DLGAP1: variants seen among roughly 807,000 people sequenced by gnomAD.
DLGAP1 encodes the protein DLG associated protein 1.
A neutral mutation model predicts 90.8 loss-of-function variants in DLGAP1; 11 were observed. The ratio of observed to expected loss-of-function variants is 0.12; its 90% CI spans 0.08 to 0.20. The LOEUF is 0.20. Among genes scored for constraint, DLGAP1 ranks in the 10% least tolerant of loss-of-function variants. DLGAP1 has a pLI of 1.00. For synonymous variants in DLGAP1, 558 were observed against 540.7 expected, an observed-to-expected ratio of 1.03 and a Z score of -0.44; for missense variants, 1,050 against 1,333.8, an observed-to-expected ratio of 0.79 and a Z score of 3.31.
At chr18:4,097,324 T>C (rs1296740325) in intron 2 of DLGAP1, among the ~76,000 whole-genome samples, 2 of 152,240 alleles carry the variant, frequency 1.3e-5, no homozygotes, top group Non-Finnish European at 2.9e-5. Context: ...ACTTTCCATC[T>C]TCCCCATTTA....
chr18:3,692,709 A>T (rs897678624), intron 7 of DLGAP1, among the ~76,000 whole-genome samples: 1 of 152,224 alleles, frequency 6.6e-6, no homozygotes, highest in African/African-American at 2.4e-5. Context: ...CTGAGTTCAC[A>T]TATACTCCTT....
At chr18:3,535,335 A>G (rs879516908) in intron 9 of DLGAP1, among the ~76,000 whole-genome samples, 7 of 152,158 alleles carry the variant, frequency 4.6e-5, no homozygotes, top group Admixed American at 1.3e-4. Context: ...ATCTGGGGTG[A>G]CTTAAGTCCT....
chr18:4,033,579 C>T (rs573144690), intron 2 of DLGAP1, among the ~76,000 whole-genome samples: 2 of 152,256 alleles, frequency 1.3e-5, no homozygotes, highest in South Asian at 2.1e-4. Flanking sequence ...TGGCTCACCA[C>T]ATTTACATTC....
intron 7 of DLGAP1, among the ~76,000 whole-genome samples, chr18:3,610,777 T>G (rs1483015464): frequency 6.6e-6 from 1 of 151,900 alleles, no homozygotes; most frequent in Non-Finnish European, 1.5e-5. Context: ...AGATGGAGGC[T>G]GCAGTGAGCT....
intron 2 of DLGAP1, among the ~76,000 whole-genome samples, chr18:4,055,555 T>A (rs1044531131): frequency 6.6e-6 from 1 of 152,180 alleles, no homozygotes; most frequent in African/African-American, 2.4e-5. Flanking sequence ...TTTTTTGTTG[T>A]TGTTCCTGCA....
chr18:4,080,890 C>CCTT (rs1230926803), intron 2 of DLGAP1, among the ~76,000 whole-genome samples: 1 of 145,592 alleles, frequency 6.9e-6, no homozygotes, highest in Non-Finnish European at 1.5e-5. Context: ...TTTGAATGCC[C>CCTT]TTTTTTTTTT....
At chr18:4,184,789 G>A (rs569819129) in intron 1 of DLGAP1, among the ~76,000 whole-genome samples, 5 of 152,092 alleles carry the variant, frequency 3.3e-5, no homozygotes, top group East Asian at 1.9e-4. Context: ...GCAAGTTACC[G>A]CATACACATC....
intron 5 of DLGAP1, among the ~76,000 whole-genome samples, chr18:3,796,606 G>A (rs948257046): frequency 6.6e-6 from 1 of 152,164 alleles, no homozygotes; most frequent in Admixed American, 6.5e-5. Flanking sequence ...AAGCAGACAC[G>A]TAAGGTGAGC....
intron 2 of DLGAP1, among the ~76,000 whole-genome samples, chr18:4,052,851 GGA>G (rs1480811394): frequency 6.6e-6 from 1 of 152,108 alleles, no homozygotes; most frequent in Non-Finnish European, 1.5e-5. Context: ...TCTATAGGGT[GGA>G]GGCAAAAAGC....
intron 1 of DLGAP1, among the ~76,000 whole-genome samples, chr18:4,322,943 G>GAAAAAAAAAAAAAAAAAAAAAAAAAAAAA (rs60113288): frequency 1.0e-5 from 1 of 97,602 alleles, no homozygotes; most frequent in Non-Finnish European, 1.9e-5. Context: ...CCTGGGCACA[G>GAAAAAAAAAAAAAAAAAAAAAAAAAAAAA]AAAAAAAAAA....
chr18:4,363,244 G>A (rs1003809493), intron 1 of DLGAP1, among the ~76,000 whole-genome samples: 8 of 152,176 alleles, frequency 5.3e-5, no homozygotes, highest in Non-Finnish European at 8.8e-5. Context: ...AAGGGCCCGG[G>A]CTATCCACAC....
chr18:3,751,901 TG>T (rs2063513151), intron 5 of DLGAP1, among the ~76,000 whole-genome samples: 2 of 133,274 alleles, frequency 1.5e-5, no homozygotes, highest in African/African-American at 6.6e-5. Context: ...TTTTTTTTAA[TG>T]AGATGCAGTC....
rs772178248 is a variant in DLGAP1, at chr18:3,879,404, A to T, written c.665T>A (p.Met222Lys). Residue 222 changes from methionine (M) to lysine (K), a missense_variant, in exon 4 of 13, where the codon ATG (methionine) becomes AAG (lysine). Met to Lys is a moderately conservative substitution (Grantham distance 95). Around this residue, in one of 2 missense-constraint regions of DLGAP1, gnomAD observed 485 missense variants for 454.1 expected, o/e 1.07. Coordinates refer to ENST00000315677, the MANE Select transcript of DLGAP1 (RefSeq NM_004746.4). The surrounding 1 kb of genome is among the most constrained non-coding windows in gnomAD (Gnocchi z 6.6). ...GCGGTCGGGGCACCTGCCCATGGTC[A>T]TCACGCCCGAGGGGGCGTGGTAGAT... ...MCIYHAPSGV[M>K]TMGRCPDRSA... The T allele has an allele frequency of 8.7e-6, 14 of 1,612,324 alleles. No individual in the cohort carries two copies. The Admixed American group carries it at 2.3e-4, about 27-fold the overall frequency.
At chr18:4,194,001 T>G (rs2077448041) in intron 1 of DLGAP1, among the ~76,000 whole-genome samples, 1 of 152,194 alleles carries the variant, frequency 6.6e-6, no homozygotes, top group African/African-American at 2.4e-5. Flanking sequence ...TCAAAATTTT[T>G]TTTCAAATTG....
At chr18:3,687,235 C>T (rs1435049042) in intron 7 of DLGAP1, among the ~76,000 whole-genome samples, 1 of 152,202 alleles carries the variant, frequency 6.6e-6, no homozygotes, top group Non-Finnish European at 1.5e-5. Flanking sequence ...TTTATTACAG[C>T]AGCCATAAGA....
Position 3,656,938 on chromosome 18 carries a change from T to G in DLGAP1, c.1591+72197A>C, listed in dbSNP as rs146033313. On this transcript the variant is annotated intron_variant, in intron 7 of 12. Transcript: ENST00000315677. ...ATTTTTTGTATTTTTAGTAGAAACA[T>G]GGTTTCACTGTATTAGTCAGGATGG... is the stretch of plus-strand genomic sequence containing the variant. Among the ~76,000 whole-genome samples, 376 of 152,030 alleles carry G rather than the reference T, an allele frequency of 2.5e-3. 2 individuals are homozygous for G. The highest frequency in any genetic ancestry group is 8.7e-3 in the African/African-American group (359 of 41,470).
chr18:3,870,217 C>A (rs369523836), intron 4 of DLGAP1, among the ~76,000 whole-genome samples: 185 of 152,302 alleles, frequency 1.2e-3, no homozygotes, highest in African/African-American at 2.3e-3. Flanking sequence ...ATTTTATAGA[C>A]ACTCTCAAGG....
chr18:4,087,112 A>G, intron 2 of DLGAP1, among the ~76,000 whole-genome samples: 1 of 126,992 alleles, frequency 7.9e-6, no homozygotes, highest in Non-Finnish European at 1.7e-5. Context: ...TGCTATATAT[A>G]TATACACACA....
chr18:3,541,522 A>G (rs549006455), intron 9 of DLGAP1, among the ~76,000 whole-genome samples: 1 of 152,324 alleles, frequency 6.6e-6, no homozygotes, highest in Non-Finnish European at 1.5e-5. Flanking sequence ...GAAACTTTGA[A>G]GAGTGGGGAC....
Sources: allele counts gnomAD v4.1 joint callset (sites outside exome capture counted in the v4.1 genomes callset), GRCh38; gene constraint gnomAD v4.1.1; regional missense constraint gnomAD v4.1.1; non-coding constraint Gnocchi (gnomAD v3.1); transcripts MANE v1.5; gene names NCBI Gene and HGNC (gene_info 2026-07-23, HGNC 2026-07-21).